Variants in TNNI3K observed in about 807,000 individuals in gnomAD.
TNNI3K encodes the protein TNNI3 interacting kinase.
A neutral mutation model predicts 114.5 loss-of-function variants in TNNI3K; 140 were observed. That is an observed-to-expected ratio of 1.22 (90% CI 1.07 to 1.41). The LOEUF is 1.41. Among genes scored for constraint, TNNI3K ranks in the 40% most tolerant of loss-of-function variants. TNNI3K has a pLI of 0.00. For synonymous variants in TNNI3K, 347 were observed against 347.5 expected (o/e 1.00, Z 0.02); for missense variants, 1,125 against 1,007.6 (o/e 1.12, Z -1.58).
At chr1:74,454,641 A>C (rs1243535496) in intron 20 of TNNI3K, among the ~76,000 whole-genome samples, 1 of 152,120 alleles carries the variant, frequency 6.6e-6, no homozygotes, top group East Asian at 1.9e-4. Context: ...AGGCTGGTTC[A>C]AAATCTTTAC....
At chr1:74,429,090 A>T (rs1423707107) in intron 17 of TNNI3K, among the ~76,000 whole-genome samples, 1 of 152,102 alleles carries the variant, frequency 6.6e-6, no homozygotes, top group African/African-American at 2.4e-5. Flanking sequence ...TCCAGTTACC[A>T]CATAATATAC....
intron 17 of TNNI3K, among the ~76,000 whole-genome samples, chr1:74,431,854 A>G (rs1665915198): frequency 6.6e-6 from 1 of 152,158 alleles, no homozygotes; most frequent in Admixed American, 6.5e-5. Context: ...AGCAAACAGC[A>G]TGGAGTATAG....
At chr1:74,480,196 G>A in intron 21 of TNNI3K, 1 of 717,470 alleles carries the variant, frequency 1.4e-6, no homozygotes. Context: ...CTGGTCCTGG[G>A]AGGAGGGGAC....
chr1:74,531,229 G>T (rs888096293), intron 23 of TNNI3K, among the ~76,000 whole-genome samples: 1 of 152,156 alleles, frequency 6.6e-6, no homozygotes, highest in Non-Finnish European at 1.5e-5. Context: ...TCTGTAATGG[G>T]AGCAATAAAT....
At chr1:74,342,300 T>C (rs942252905) in intron 7 of TNNI3K, among the ~76,000 whole-genome samples, 2 of 152,186 alleles carry the variant, frequency 1.3e-5, no homozygotes, top group African/African-American at 4.8e-5. Context: ...TGCCTAAGTC[T>C]AAATTGCTTT....
At chr1:74,417,980 A>G (rs781233563) in intron 17 of TNNI3K, among the ~76,000 whole-genome samples, 2 of 152,124 alleles carry the variant, frequency 1.3e-5, no homozygotes, top group African/African-American at 4.8e-5. Flanking sequence ...TTCAATGTCT[A>G]TTCTCCTCAG....
chr1:74,369,146 C>A, intron 14 of TNNI3K, 32 bp downstream of exon 14: 3 of 1,596,650 alleles, frequency 1.9e-6, no homozygotes, highest in East Asian at 2.2e-5. Flanking sequence ...AATAAAGGTC[C>A]GGTTTAGTTG....
chr1:74,246,389 T>C (rs1297104155), intron 2 of TNNI3K, among the ~76,000 whole-genome samples: 1 of 152,226 alleles, frequency 6.6e-6, no homozygotes. Context: ...AACTCTGCCT[T>C]TCAAGCTAGG....
At chr1:74,471,879 T>C in intron 21 of TNNI3K, 1 of 455,782 alleles carries the variant, frequency 2.2e-6, no homozygotes, top group Non-Finnish European at 3.9e-6. Context: ...AATCTTCAAA[T>C]TGCTCACAGG....
At chr1:74,297,372 G>GT (rs1658051808) in intron 5 of TNNI3K, among the ~76,000 whole-genome samples, 1 of 152,230 alleles carries the variant, frequency 6.6e-6, no homozygotes, top group African/African-American at 2.4e-5. Context: ...TTGGGAGACC[G>GT]TAAGATCATA....
intron 24 of TNNI3K, chr1:74,541,746 T>C (rs1293897893): frequency 6.6e-6 from 1 of 152,178 alleles, no homozygotes; most frequent in Non-Finnish European, 1.5e-5. Context: ...GTCTCAGGGA[T>C]GAAAGAAAAC....
At chr1:74,533,647 G>A (rs1436482143) in intron 23 of TNNI3K, among the ~76,000 whole-genome samples, 2 of 151,942 alleles carry the variant, frequency 1.3e-5, no homozygotes, top group Admixed American at 1.3e-4. Context: ...CAATAGCAAA[G>A]ACTTGGAACC....
At chr1:74,280,243 G>C (rs1369600513) in intron 5 of TNNI3K, among the ~76,000 whole-genome samples, 1 of 152,210 alleles carries the variant, frequency 6.6e-6, no homozygotes, top group Non-Finnish European at 1.5e-5. Context: ...TTAGCTGGGC[G>C]TGGTGGCAGG....
intron 5 of TNNI3K, among the ~76,000 whole-genome samples, chr1:74,287,832 T>C (rs1288579199): frequency 6.6e-6 from 1 of 152,134 alleles, no homozygotes; most frequent in Non-Finnish European, 1.5e-5. Flanking sequence ...AAACCATACA[T>C]CTGATAAGGG....
At chr1:74,264,224 A>G (rs1468977828) in intron 4 of TNNI3K, among the ~76,000 whole-genome samples, 2 of 151,962 alleles carry the variant, frequency 1.3e-5, no homozygotes, top group Non-Finnish European at 2.9e-5. Flanking sequence ...GAAACTCTTA[A>G]AAACTGATAT....
intron 5 of TNNI3K, among the ~76,000 whole-genome samples, chr1:74,312,678 A>G (rs1470942362): frequency 6.6e-6 from 1 of 152,202 alleles, no homozygotes; most frequent in Non-Finnish European, 1.5e-5. Flanking sequence ...TGTCCAAGTT[A>G]AGCCTTATCA....
rs1667482173 is a variant in TNNI3K at position 74,462,203 on chromosome 1, G to C, written c.2012-1238G>C. Reference sequence around the variant, plus strand: ...GTAATCATTCAGAATAATCCATAAAGTGTTGATCAAATCACATTGCATATA... The same window carrying C: ...GTAATCATTCAGAATAATCCATAAACTGTTGATCAAATCACATTGCATATA... On this transcript the variant is annotated intron_variant, in intron 20 of 24. Coordinates refer to ENST00000326637, the MANE Select transcript of TNNI3K (RefSeq NM_015978.3). Among the ~76,000 whole-genome samples, 11 of 152,280 alleles carry C rather than the reference G, an allele frequency of 7.2e-5. No homozygotes were observed. The South Asian group carries it at 2.3e-3, about 32-fold the overall frequency.
chr1:74,238,993 A>G (rs1388585438), intron 2 of TNNI3K, among the ~76,000 whole-genome samples: 1 of 152,160 alleles, frequency 6.6e-6, no homozygotes, highest in African/African-American at 2.4e-5. Flanking sequence ...AAAACTATGC[A>G]TAATAAAAAT....
chr1:74,450,122 C>T (rs578112128), intron 20 of TNNI3K, among the ~76,000 whole-genome samples: 1 of 144,962 alleles, frequency 6.9e-6, no homozygotes, highest in East Asian at 2.0e-4. Flanking sequence ...CGCTCAACTA[C>T]ATGGAAACTG....
Sources: allele counts gnomAD v4.1 joint callset (sites outside exome capture counted in the v4.1 genomes callset), GRCh38; gene constraint gnomAD v4.1.1; transcripts MANE v1.5; gene names NCBI Gene and HGNC (gene_info 2026-07-23, HGNC 2026-07-21).